The following AFF3 variants were observed in gnomAD, a reference collection of about 807,000 sequenced individuals.
AFF3 encodes ALF transcription elongation factor 3.
In AFF3, 32 loss-of-function variants were observed where a neutral mutation model predicts 129.7. The observed-to-expected ratio is 0.25, with a 90% confidence interval of 0.19 to 0.33. AFF3 has a LOEUF of 0.33. Ranked by LOEUF, AFF3 falls within the 10% of genes least tolerant of loss-of-function variation. AFF3 has a pLI of 1.00. For missense variants in AFF3, 1,373 were observed against 1,592.0 expected (o/e 0.86, Z 2.34); for synonymous variants, 644 against 635.4 (o/e 1.01, Z -0.20).
intron 11 of AFF3, among the ~76,000 whole-genome samples, chr2:99,685,373 T>C (rs941692901): frequency 5.9e-5 from 9 of 152,196 alleles, no homozygotes; most frequent in African/African-American, 2.2e-4. Context: ...TATACACCAA[T>C]TACATTCTAC....
chr2:99,812,374 GAA>G (rs776263699), intron 8 of AFF3, among the ~76,000 whole-genome samples: 42 of 152,294 alleles, frequency 2.8e-4, no homozygotes, highest in Non-Finnish European at 5.6e-4. Context: ...AGCAGAGGCT[GAA>G]AAGTCATGAT....
At chr2:99,690,185 ATTATT>A (rs1456635946) in intron 11 of AFF3, among the ~76,000 whole-genome samples, 11 of 133,462 alleles carry the variant, frequency 8.2e-5, no homozygotes, top group African/African-American at 3.2e-4. Context: ...TATTATTATT[ATTATT>A]ATTATTATTT....
intron 16 of AFF3, 75 bp downstream of exon 16, chr2:99,587,079 C>T: frequency 1.3e-6 from 2 of 1,591,546 alleles, no homozygotes; most frequent in Admixed American, 1.7e-5. Context: ...GCCTGACCCT[C>T]CTCCAACATA....
chr2:99,739,013 A>ATTTTTTTTTT lies in AFF3; in HGVS notation c.1039+5081_1039+5090dup, dbSNP rs55856427. ...TTCTCAGTGAGGAGTGAACTGTTCA[A>ATTTTTTTTTT]TTTTTTTTTTTTTTAGCAAATATTA... On this transcript the variant is annotated intron_variant, in intron 10 of 24. Coordinates refer to ENST00000672756, the MANE Select transcript of AFF3 (RefSeq NM_001386135.1). Among the ~76,000 whole-genome samples the ATTTTTTTTTT allele has an allele frequency of 3.6e-5, 5 of 138,344 alleles. 1 individual carries two copies. Among genetic ancestry groups the ATTTTTTTTTT allele is most frequent in the African/African-American group, 5.3e-5 (2 of 37,580 alleles). 90.8% of individuals were successfully genotyped at this position (138,344 alleles called of 152,430 possible). A position where few individuals can be genotyped will look rare whatever the true frequency, so the allele number is the denominator to read the frequency against.
At chr2:99,900,887 G>A (rs767058427) in intron 7 of AFF3, among the ~76,000 whole-genome samples, 3 of 152,140 alleles carry the variant, frequency 2.0e-5, no homozygotes, top group Non-Finnish European at 2.9e-5. Context: ...ATTCCGTGAC[G>A]GCAGGTTGCT....
chr2:100,078,459 A>G (rs1412601387), intron 4 of AFF3, among the ~76,000 whole-genome samples: 3 of 152,182 alleles, frequency 2.0e-5, no homozygotes, highest in East Asian at 3.8e-4. Context: ...CTTTCAGAGA[A>G]TTCTCTCTGC....
chr2:100,108,635 G>A (rs1196783807), intron 2 of AFF3, among the ~76,000 whole-genome samples: 1 of 152,122 alleles, frequency 6.6e-6, no homozygotes, highest in Non-Finnish European at 1.5e-5. Context: ...GTTTTGAACT[G>A]GCTGGGAAAA....
At chr2:99,718,502 A>G (rs900550895) in intron 11 of AFF3, among the ~76,000 whole-genome samples, 3 of 152,150 alleles carry the variant, frequency 2.0e-5, no homozygotes, top group Admixed American at 6.5e-5. Context: ...ATTGACCTTT[A>G]TAAGTTTACT....
chr2:99,782,611 T>C (rs376549487), intron 8 of AFF3, among the ~76,000 whole-genome samples: 12 of 152,358 alleles, frequency 7.9e-5, no homozygotes, highest in African/African-American at 2.9e-4. Context: ...AGTCCTTCTA[T>C]GCTTTACTTT....
intron 1 of AFF3, among the ~76,000 whole-genome samples, chr2:100,129,748 A>G (rs1692346383): frequency 6.6e-6 from 1 of 152,222 alleles, no homozygotes; most frequent in Admixed American, 6.5e-5. Flanking sequence ...TGAATTGGAT[A>G]CAGCTTCAAT....
intron 9 of AFF3, among the ~76,000 whole-genome samples, chr2:99,751,236 T>C (rs755377539): frequency 2.6e-5 from 4 of 152,046 alleles, no homozygotes; most frequent in Non-Finnish European, 5.9e-5. Context: ...TGGGATTACA[T>C]GCATGCACCA....
intron 7 of AFF3, among the ~76,000 whole-genome samples, chr2:99,849,508 G>C (rs1045785334): frequency 6.6e-5 from 10 of 152,010 alleles, no homozygotes; most frequent in Non-Finnish European, 1.2e-4. Context: ...GATTTCTCTA[G>C]ACCATACGTT....
At chr2:99,946,462 A>G (rs981679747) in intron 7 of AFF3, among the ~76,000 whole-genome samples, 2 of 116,894 alleles carry the variant, frequency 1.7e-5, no homozygotes, top group African/African-American at 6.7e-5. Flanking sequence ...TGACAGAGTG[A>G]GACGCCATCT....
At chr2:99,598,260 T>C (rs953160350) in intron 14 of AFF3, among the ~76,000 whole-genome samples, 1 of 152,180 alleles carries the variant, frequency 6.6e-6, no homozygotes, top group Non-Finnish European at 1.5e-5. Context: ...CCACGTAATA[T>C]ATATTGTACA....
chr2:100,069,927 G>A (rs1033377076), intron 4 of AFF3, among the ~76,000 whole-genome samples: 2 of 152,144 alleles, frequency 1.3e-5, no homozygotes, highest in African/African-American at 2.4e-5. Context: ...AAGATCCCAT[G>A]TCTCTTCTCC....
At chr2:99,926,352 G>A (rs1466812706) in intron 7 of AFF3, among the ~76,000 whole-genome samples, 1 of 152,130 alleles carries the variant, frequency 6.6e-6, no homozygotes, top group African/African-American at 2.4e-5. Flanking sequence ...GTGGAAGCCC[G>A]GGGCCTGTTA....
At chr2:99,640,552 C>T (rs1364623901) in intron 13 of AFF3, among the ~76,000 whole-genome samples, 1 of 151,798 alleles carries the variant, frequency 6.6e-6, no homozygotes, top group South Asian at 2.1e-4. Flanking sequence ...GACTCAAAGT[C>T]CTGTGCTTGC....
chr2:99,952,928 T>C (rs1676299312), intron 7 of AFF3, among the ~76,000 whole-genome samples: 2 of 152,190 alleles, frequency 1.3e-5, no homozygotes, highest in South Asian at 4.1e-4. Context: ...ACCTGTAAAA[T>C]GGAGGTAATT....
At chr2:99,652,473 G>A (rs192924729) in intron 12 of AFF3, among the ~76,000 whole-genome samples, 89 of 152,248 alleles carry the variant, frequency 5.8e-4, no homozygotes, top group Admixed American at 1.2e-3. Context: ...GAAACACTGC[G>A]GCAGAGTAGG....
Sources: gnomAD v4.1 joint callset for allele counts (sites outside exome capture counted in the v4.1 genomes callset) on GRCh38, gnomAD v4.1.1 for gene constraint, MANE v1.5 for transcripts, NCBI Gene and HGNC (gene_info 2026-07-23, HGNC 2026-07-21) for gene names.